Variants in ALOX5 observed in about 807,000 individuals in gnomAD.
The protein encoded by ALOX5 is arachidonate 5-lipoxygenase.
Under a neutral mutation model 87.9 loss-of-function variants are expected in ALOX5, and 64 were observed. The observed-to-expected ratio is 0.73, with a 90% CI of 0.60 to 0.90. The LOEUF is 0.90. Among genes scored for constraint, ALOX5 ranks in the 40% least tolerant of loss-of-function variants. ALOX5 has a pLI of 0.00. For missense variants in ALOX5, 822 were observed against 907.5 expected (o/e 0.91, Z 1.21); for synonymous variants, 388 against 355.1 (o/e 1.09, Z -1.04).
At chr10:45,395,087 C>T (rs1312590007) in intron 2 of ALOX5, among the ~76,000 whole-genome samples, 1 of 152,132 alleles carries the variant, frequency 6.6e-6, no homozygotes, top group Non-Finnish European at 1.5e-5. Context: ...ACCATTTGAC[C>T]CAGCCATCCC....
At chr10:45,440,300 C>G (rs1842187706) in intron 7 of ALOX5, 130 bp from the exon 8 acceptor site, 1 of 980,224 alleles carries the variant, frequency 1.0e-6, no homozygotes, top group Non-Finnish European at 1.5e-6. Flanking sequence ...CCCCTCCAGG[C>G]TCTTCTGATT....
chr10:45,428,580 C>T, intron 6 of ALOX5, 38 bp from the exon 7 acceptor site: 1 of 1,611,794 alleles, frequency 6.2e-7, no homozygotes, highest in Non-Finnish European at 8.5e-7. Context: ...GGTCCGTCTG[C>T]TGAGCCTGAT....
At chr10:45,391,026 C>CTCTCCCA (rs1840213094) in intron 2 of ALOX5, among the ~76,000 whole-genome samples, 1 of 115,218 alleles carries the variant, frequency 8.7e-6, no homozygotes, top group African/African-American at 3.5e-5. Context: ...CCCATCTCCC[C>CTCTCCCA]TCTCCCCTCT....
At chr10:45,439,769 A>T (rs1842169152) in intron 7 of ALOX5, among the ~76,000 whole-genome samples, 1 of 152,174 alleles carries the variant, frequency 6.6e-6, no homozygotes, top group South Asian at 2.1e-4. Flanking sequence ...AAAGAAAAAA[A>T]CTCACCTTGT....
In ALOX5 at chr10:45,382,657, G is replaced by A. The variant is rs372480343; in HGVS notation, c.325G>A (p.Glu109Lys). 5.6e-5 allele frequency: 90 copies of A among 1,613,398 alleles called. No homozygotes were observed. Among genetic ancestry groups the A allele is most frequent in the Middle Eastern group, 4.9e-4 (3 of 6,082 alleles). ...PCYRWITGDVEVVLRDGRAKL... is the reference protein window; with the variant it reads ...PCYRWITGDVKVVLRDGRAKL... ...CTACCGCTGGATCACCGGCGATGTC[G>A]AGGTTGTCCTGAGGGATGGACGCGG... Residue 109 changes from glutamate (E) to lysine (K), a missense_variant, in exon 2 of 14, where the codon GAG (glutamate) becomes AAG (lysine). By Grantham distance (56) the Glu-to-Lys change is moderately conservative. Coordinates refer to ENST00000374391, the MANE Select transcript of ALOX5 (RefSeq NM_000698.5).
chr10:45,402,647 A>T (rs548382190), intron 3 of ALOX5, among the ~76,000 whole-genome samples: 1 of 152,256 alleles, frequency 6.6e-6, no homozygotes, highest in Admixed American at 6.5e-5. Flanking sequence ...TTCAAACAAG[A>T]CTCAGAACAT....
intron 3 of ALOX5, among the ~76,000 whole-genome samples, chr10:45,407,665 G>T (rs764891506): frequency 1.3e-5 from 2 of 151,958 alleles, no homozygotes; most frequent in Non-Finnish European, 2.9e-5. Flanking sequence ...TTTAACATAA[G>T]ATGACATAAA....
At chr10:45,391,339 C>A (rs1840241795) in intron 2 of ALOX5, among the ~76,000 whole-genome samples, 1 of 152,344 alleles carries the variant, frequency 6.6e-6, no homozygotes. Flanking sequence ...GAGTGATCCG[C>A]CAGCCTCGGC....
At position 45,395,875 on chromosome 10, in the gene ALOX5, C is replaced by T; in HGVS notation, c.370C>T (p.Gln124Ter). 6.2e-7 allele frequency: 1 copy of T among 1,614,208 alleles called. No homozygotes were observed. The highest frequency in any genetic ancestry group is 8.5e-7 in the Non-Finnish European group (1 of 1,180,032). ...TACAGCAAAGTTGGCCCGAGATGAC[C>T]AAATTCACATTCTCAAGCAACACCG... ...DGRAKLARDD[Q>*]IHILKQHRRK... The change falls in exon 3 of 14, where the codon CAA becomes TAA. Residue 124 changes from glutamine (Q) to a stop codon, truncating the protein, a stop_gained. Transcript: ENST00000374391. LOFTEE classifies it high-confidence loss of function.
rs778034498 is a variant in ALOX5 at position 45,374,433 on chromosome 10, A to T, written c.150+4A>T. ...CAACGACTTCGAGCGTGGCGCGGTGAGCGCGGGCGGGGCACGGGTGGAGCG... is the reference window on the plus strand; with the variant it reads ...CAACGACTTCGAGCGTGGCGCGGTGTGCGCGGGCGGGGCACGGGTGGAGCG... On this transcript the variant is annotated splice_donor_region_variant and intron_variant, in intron 1 of 13. Coordinates refer to ENST00000374391, the MANE Select transcript of ALOX5 (RefSeq NM_000698.5). 1 of 1,545,086 alleles carries T rather than the reference A, an allele frequency of 6.5e-7. No homozygotes were observed. Among genetic ancestry groups the T allele is most frequent in the Non-Finnish European group, 8.7e-7 (1 of 1,150,744 alleles).
At chr10:45,414,292 C>T (rs1841184517) in intron 4 of ALOX5, among the ~76,000 whole-genome samples, 1 of 152,216 alleles carries the variant, frequency 6.6e-6, no homozygotes, top group Non-Finnish European at 1.5e-5. Context: ...CACACATCTA[C>T]AACCATCTGA....
In ALOX5 at chr10:45,443,548, C is replaced by G. The variant is rs749475294; in HGVS notation, c.1573+11C>G. 12 of 1,607,906 alleles carry G rather than the reference C, an allele frequency of 7.5e-6. No homozygotes were observed. Among genetic ancestry groups the G allele is most frequent in the Non-Finnish European group, 1.0e-5 (12 of 1,176,316 alleles). ...GCCGCAAGTCCTCAGGTAGGGCCTC[C>G]GGGACGTCTCCGGACCCGGCTCCCC... On this transcript the variant is annotated intron_variant, in intron 11 of 13. Transcript: ENST00000374391.
chr10:45,382,195 A>T (rs12252472), intron 1 of ALOX5, among the ~76,000 whole-genome samples: 12,606 of 152,148 alleles, frequency 0.083, 1,801 homozygotes, highest in African/African-American at 0.29. Flanking sequence ...ATTGTACAAG[A>T]TCTGTTTGTA....
Position 45,445,627 on chromosome 10 carries a change from G to T in ALOX5, c.1965G>T (p.Lys655Asn), listed in dbSNP as rs1387140593. ...IVSVIAERNK[K>N]KQLPYYYLSP... The stretch of plus-strand genomic sequence containing the variant: ...GCGTGATTGCTGAGCGCAACAAGAA[G>T]AAGCAGCTGCCATATTACTACTTGT... Residue 655 changes from lysine to asparagine, a missense_variant, in exon 14 of 14, where the codon AAG (lysine) becomes AAT (asparagine). By Grantham distance (94) the Lys-to-Asn change is moderately conservative. Transcript: ENST00000374391. 1 of 1,614,086 alleles carries T rather than the reference G, an allele frequency of 6.2e-7. No homozygotes were observed. Among genetic ancestry groups the T allele is most frequent in the Non-Finnish European group, 8.5e-7 (1 of 1,180,018 alleles).
rs41441945 is a variant in ALOX5, at chr10:45,425,225, G to A, written c.834+93G>A. On this transcript the variant is annotated intron_variant, in intron 6 of 13. Coordinates refer to ENST00000374391, the MANE Select transcript of ALOX5 (RefSeq NM_000698.5). This position sits in a 1 kb window ranked among gnomAD's most constrained non-coding sequence, Gnocchi z 4.4. The stretch of plus-strand genomic sequence containing the variant: ...GCCAGTGCTCATAGGCCACCAAGAC[G>A]CTAACTGCAGGCCCATCTGGCCTAC... The A allele has an allele frequency of 9.7e-5, 138 of 1,428,700 alleles. No homozygotes were observed. In the East Asian group the frequency reaches 1.1e-3, roughly 12 times the overall value. 88.5% of individuals were successfully genotyped at this position (1,428,700 alleles called of 1,614,324 possible).
chr10:45,396,862 A>G (rs772640180), intron 3 of ALOX5, among the ~76,000 whole-genome samples: 1 of 152,262 alleles, frequency 6.6e-6, no homozygotes, highest in Non-Finnish European at 1.5e-5. Context: ...ATTAAACAAT[A>G]TGAACATGTG....
chr10:45,444,375 G>C (rs1013550389), intron 13 of ALOX5, 89 bp downstream of exon 13: 4 of 1,438,644 alleles, frequency 2.8e-6, no homozygotes, highest in African/African-American at 1.4e-5. Flanking sequence ...GGGCCCCAAG[G>C]CTCACTTGGA....
intron 4 of ALOX5, among the ~76,000 whole-genome samples, chr10:45,414,168 T>C (rs538288209): frequency 3.3e-5 from 5 of 152,326 alleles, no homozygotes; most frequent in African/African-American, 1.2e-4. Flanking sequence ...GGAGGCATCA[T>C]GCTACCTGAC....
chr10:45,404,932 G>A (rs774095056), intron 3 of ALOX5, among the ~76,000 whole-genome samples: 2 of 152,158 alleles, frequency 1.3e-5, no homozygotes, highest in Non-Finnish European at 2.9e-5. Flanking sequence ...TCAACACTTC[G>A]CATCTTCAGA....
Sources: gnomAD v4.1 joint callset for allele counts (sites outside exome capture counted in the v4.1 genomes callset) on GRCh38, gnomAD v4.1.1 for gene constraint, Gnocchi (gnomAD v3.1) non-coding constraint, MANE v1.5 for transcripts, NCBI Gene and HGNC (gene_info 2026-07-23, HGNC 2026-07-21) for gene names.